Variants in GRM5 observed in about 807,000 individuals in gnomAD.
GRM5 encodes the protein glutamate metabotropic receptor 5.
Under a neutral mutation model 83.1 loss-of-function variants are expected in GRM5, and 19 were observed. The observed-to-expected ratio is 0.23, with a 90% CI of 0.16 to 0.34. GRM5 has a LOEUF of 0.34. Among genes scored for constraint, GRM5 ranks in the 10% least tolerant of loss-of-function variants. The pLI is 1.00. For synonymous variants in GRM5, 675 were observed against 633.6 expected (o/e 1.07, Z -0.98); for missense variants, 1,160 against 1,588.3 (o/e 0.73, Z 4.58).
chr11:88,813,409 C>T (rs892483541), intron 3 of GRM5, among the ~76,000 whole-genome samples: 1 of 152,118 alleles, frequency 6.6e-6, no homozygotes, highest in Non-Finnish European at 1.5e-5. Flanking sequence ...CCTTGAGTAC[C>T]ACTTCAGAGT....
At chr11:88,723,051 C>T (rs1398937445) in intron 3 of GRM5, among the ~76,000 whole-genome samples, 1 of 152,054 alleles carries the variant, frequency 6.6e-6, no homozygotes, top group African/African-American at 2.4e-5. Context: ...CCCTTGAAAC[C>T]CGTCAACCAC....
intron 3 of GRM5, among the ~76,000 whole-genome samples, chr11:88,690,360 A>G (rs1237219777): frequency 6.6e-6 from 1 of 152,168 alleles, no homozygotes; most frequent in Non-Finnish European, 1.5e-5. Context: ...AAGAAACTCC[A>G]TCATTATGGG....
At chr11:88,781,032 T>C (rs558954975) in intron 3 of GRM5, among the ~76,000 whole-genome samples, 9 of 151,770 alleles carry the variant, frequency 5.9e-5, no homozygotes, top group Non-Finnish European at 1.3e-4. Context: ...TAGTCTTTCT[T>C]AGTAACTGTA....
intron 4 of GRM5, among the ~76,000 whole-genome samples, chr11:88,635,447 C>A (rs899333234): frequency 2.6e-5 from 4 of 152,126 alleles, no homozygotes; most frequent in Non-Finnish European, 5.9e-5. Flanking sequence ...TTTCATATAT[C>A]TGTTGGACAT....
intron 3 of GRM5, among the ~76,000 whole-genome samples, chr11:88,658,489 T>A (rs555444883): frequency 6.6e-6 from 1 of 152,182 alleles, no homozygotes; most frequent in Admixed American, 6.6e-5. Context: ...GTATTGAAAC[T>A]GAGAAAAAAC....
intron 2 of GRM5, among the ~76,000 whole-genome samples, chr11:88,972,168 C>T (rs1443828732): frequency 2.6e-5 from 4 of 152,124 alleles, no homozygotes; most frequent in Non-Finnish European, 5.9e-5. Context: ...CAGAAACATT[C>T]GAACCGTAAT....
At position 88,505,763 on chromosome 11, in the gene GRM5, G is replaced by C. The variant is rs1368214698; in HGVS notation, c.*2829C>G. ...TTTAGGGTCACTTTGCTGAGCCTTA[G>C]CATATCCCCTTCCTTTTAGTCATGC... On this transcript the variant is annotated 3_prime_UTR_variant, in exon 10 of 10. Transcript: ENST00000305447. 1 of 152,194 alleles carries C rather than the reference G, an allele frequency of 6.6e-6. No homozygotes were observed. 9.4% of individuals were successfully genotyped at this position (152,194 alleles called of 1,614,324 possible).
intron 3 of GRM5, among the ~76,000 whole-genome samples, chr11:88,657,467 A>G (rs1038396280): frequency 6.6e-6 from 1 of 152,170 alleles, no homozygotes; most frequent in Non-Finnish European, 1.5e-5. Context: ...TGGATTCTCA[A>G]AACACCTCAC....
At chr11:89,029,893 G>A (rs367604133) in intron 2 of GRM5, among the ~76,000 whole-genome samples, 5 of 152,202 alleles carry the variant, frequency 3.3e-5, no homozygotes, top group South Asian at 2.1e-4. Context: ...ACAGTGCCAC[G>A]GGAAGCAACA....
At chr11:88,676,046 A>G (rs1283022173) in intron 3 of GRM5, among the ~76,000 whole-genome samples, 1 of 152,044 alleles carries the variant, frequency 6.6e-6, no homozygotes, top group Admixed American at 6.6e-5. Flanking sequence ...TAGTTATAAT[A>G]AAGAACTCAG....
At chr11:88,638,994 C>G (rs2135283200) in intron 4 of GRM5, among the ~76,000 whole-genome samples, 1 of 152,148 alleles carries the variant, frequency 6.6e-6, no homozygotes, top group South Asian at 2.1e-4. Context: ...CTATTATTTA[C>G]TTTTTCTACT....
intron 3 of GRM5, among the ~76,000 whole-genome samples, chr11:88,699,667 T>C (rs1267816350): frequency 6.6e-6 from 1 of 152,152 alleles, no homozygotes; most frequent in African/African-American, 2.4e-5. Flanking sequence ...GAGGGGGCAG[T>C]AGAATTTCAT....
intron 2 of GRM5, among the ~76,000 whole-genome samples, chr11:88,877,819 C>A: frequency 9.9e-6 from 1 of 100,530 alleles, no homozygotes. Flanking sequence ...AACAGAGAGA[C>A]TCTGTGGAAG....
chr11:88,930,921 T>A (rs1423548620), intron 2 of GRM5, among the ~76,000 whole-genome samples: 11 of 130,996 alleles, frequency 8.4e-5, no homozygotes, highest in Admixed American at 1.7e-4. Flanking sequence ...CAATTCTAGA[T>A]GAAGGGAAGT....
intron 2 of GRM5, among the ~76,000 whole-genome samples, chr11:88,853,756 G>A (rs1252900284): frequency 6.6e-6 from 1 of 151,468 alleles, no homozygotes; most frequent in Non-Finnish European, 1.5e-5. Context: ...GAGAGTTGAT[G>A]CAGATAATTT....
At chr11:88,956,688 C>A (rs917588364) in intron 2 of GRM5, among the ~76,000 whole-genome samples, 2 of 152,168 alleles carry the variant, frequency 1.3e-5, no homozygotes, top group Non-Finnish European at 2.9e-5. Context: ...GGCCTGTAGT[C>A]CCAGCTCCTC....
At chr11:88,923,621 T>C (rs887087819) in intron 2 of GRM5, among the ~76,000 whole-genome samples, 2 of 152,054 alleles carry the variant, frequency 1.3e-5, no homozygotes, top group African/African-American at 4.8e-5. Context: ...GAATGAATAA[T>C]ATCTAGTATT....
chr11:88,529,281 T>A (rs1310886523), intron 8 of GRM5, among the ~76,000 whole-genome samples: 2 of 151,660 alleles, frequency 1.3e-5, no homozygotes, highest in African/African-American at 4.8e-5. Context: ...TGTAAACAGA[T>A]AATTTCCAAA....
At chr11:88,724,791 G>A (rs902101240) in intron 3 of GRM5, among the ~76,000 whole-genome samples, 11 of 152,034 alleles carry the variant, frequency 7.2e-5, no homozygotes, top group African/African-American at 2.4e-4. Context: ...ACTTCTTCCG[G>A]GAAGTACAAG....
Sources: gnomAD v4.1 joint callset for allele counts (sites outside exome capture counted in the v4.1 genomes callset) on GRCh38, gnomAD v4.1.1 for gene constraint, MANE v1.5 for transcripts, NCBI Gene and HGNC (gene_info 2026-07-23, HGNC 2026-07-21) for gene names.